Variants in CASQ2 observed in about 807,000 individuals in gnomAD.
CASQ2 encodes calsequestrin-2.
A neutral mutation model predicts 46.5 loss-of-function variants in CASQ2; 49 were observed. The ratio of observed to expected loss-of-function variants is 1.05; its 90% confidence interval spans 0.84 to 1.34. The LOEUF is 1.34. CASQ2 is among the 40% of genes most tolerant of loss of function. The probability of loss-of-function intolerance (pLI) is 0.00; values close to 1 mark genes in which losing one functional copy is unlikely to be tolerated. For synonymous variants in CASQ2, 174 were observed against 168.5 expected, an observed-to-expected ratio of 1.03 and a Z score of -0.25; for missense variants, 486 against 481.3, an observed-to-expected ratio of 1.01 and a Z score of -0.09.
At chr1:115,748,360 C>A (rs1487209319) in intron 1 of CASQ2, among the ~76,000 whole-genome samples, 2 of 152,108 alleles carry the variant, frequency 1.3e-5, no homozygotes, top group Non-Finnish European at 2.9e-5. Flanking sequence ...CATCTGTTCC[C>A]AGCCTCTTTC....
intron 8 of CASQ2, among the ~76,000 whole-genome samples, chr1:115,716,386 A>G (rs1200009238): frequency 2.0e-5 from 3 of 152,196 alleles, no homozygotes; most frequent in Non-Finnish European, 4.4e-5. Context: ...AGGTCTCATT[A>G]TTTAGGGGAA....
intron 1 of CASQ2, among the ~76,000 whole-genome samples, chr1:115,761,628 T>C (rs1421304680): frequency 6.6e-6 from 1 of 151,244 alleles, no homozygotes; most frequent in Non-Finnish European, 1.5e-5. Context: ...TTACTTTTTA[T>C]TGATATACAG....
chr1:115,715,682 A>AT (rs1184542238), intron 8 of CASQ2, among the ~76,000 whole-genome samples: 1 of 152,220 alleles, frequency 6.6e-6, no homozygotes, highest in East Asian at 1.9e-4. Context: ...GGTTACTATT[A>AT]TGGTATATGG....
Position 115,704,740 on chromosome 1 carries a change from G to A in CASQ2, c.939+452C>T, listed in dbSNP as rs1026402646. The stretch of plus-strand genomic sequence containing the variant: ...CTATGCTAGGTCCTGGGGAGAACAC[G>A]ATGAACATGACAGGCACGCTCGCTT... On this transcript the variant is annotated intron_variant, in intron 9 of 10. Transcript: ENST00000261448. 4.6e-5 allele frequency among the ~76,000 whole-genome samples: 7 copies of A among 152,324 alleles called. No homozygotes were observed. In the South Asian group the frequency reaches 8.3e-4, roughly 18 times the overall value.
At chr1:115,729,894 C>T (rs565641764) in intron 5 of CASQ2, among the ~76,000 whole-genome samples, 4 of 152,252 alleles carry the variant, frequency 2.6e-5, no homozygotes, top group East Asian at 1.9e-4. Flanking sequence ...AGTGATTTTT[C>T]GTCTCATTGT....
chr1:115,733,612 T>C (rs1306194073), intron 4 of CASQ2, among the ~76,000 whole-genome samples: 1 of 151,638 alleles, frequency 6.6e-6, no homozygotes, highest in Admixed American at 6.6e-5. Context: ...CGAGGCAGTA[T>C]GAGATCAGGT....
chr1:115,710,883 C>A (rs1270496397), intron 8 of CASQ2, among the ~76,000 whole-genome samples: 1 of 152,208 alleles, frequency 6.6e-6, no homozygotes, highest in Non-Finnish European at 1.5e-5. Flanking sequence ...CTGGGAATCA[C>A]ATCTTTGTGG....
At chr1:115,704,160 C>T (rs1261741433) in intron 9 of CASQ2, among the ~76,000 whole-genome samples, 1 of 152,130 alleles carries the variant, frequency 6.6e-6, no homozygotes. Context: ...TTTTCAGGAC[C>T]CTTGAGATCC....
At chr1:115,707,806 A>G (rs1289293407) in intron 8 of CASQ2, among the ~76,000 whole-genome samples, 1 of 152,256 alleles carries the variant, frequency 6.6e-6, no homozygotes, top group Non-Finnish European at 1.5e-5. Flanking sequence ...TCAAATGTAA[A>G]AGGGACATGA....
chr1:115,766,238 T>C (rs1210728726), intron 1 of CASQ2, among the ~76,000 whole-genome samples: 3 of 152,234 alleles, frequency 2.0e-5, no homozygotes. Flanking sequence ...CAGAAGCCCC[T>C]TGGGCGTTTT....
chr1:115,757,952 C>G (rs1648818068), intron 1 of CASQ2, among the ~76,000 whole-genome samples: 1 of 152,184 alleles, frequency 6.6e-6, no homozygotes, highest in Admixed American at 6.5e-5. Flanking sequence ...TTATTAAATT[C>G]CAAGTGCCAA....
chr1:115,767,463 T>C (rs1307686573), intron 1 of CASQ2, among the ~76,000 whole-genome samples: 2 of 152,198 alleles, frequency 1.3e-5, no homozygotes, highest in Non-Finnish European at 2.9e-5. Flanking sequence ...ACTGTAATTC[T>C]CAAATATCCC....
chr1:115,760,485 C>T (rs1036605120), intron 1 of CASQ2, among the ~76,000 whole-genome samples: 6 of 152,196 alleles, frequency 3.9e-5, no homozygotes, highest in African/African-American at 1.2e-4. Flanking sequence ...GCAATCATAA[C>T]ACACTGCAGC....
chr1:115,727,121 A>C lies in CASQ2; in HGVS notation c.608T>G (p.Val203Gly), dbSNP rs1647622862. The C allele has an allele frequency of 1.9e-6, 3 of 1,609,556 alleles. No individual in the cohort carries two copies. The highest frequency in any genetic ancestry group is 2.6e-6 in the Non-Finnish European group (3 of 1,175,974). ...IKFFATFDKG[V>G]AKKLSLKMNE... is the part of the protein sequence containing the mutation. ...CATCTTCAAAGATAATTTCTTTGCA[A>C]CCTGTAACCATTAGAAATAAGACAA... is the stretch of plus-strand genomic sequence containing the variant. Residue 203 changes from valine to glycine, a missense_variant and splice_region_variant, in exon 6 of 11, where the codon GTT becomes GGT. Val to Gly is a moderately radical substitution (Grantham distance 109). Transcript: ENST00000261448.
chr1:115,727,119 C>A lies in CASQ2; in HGVS notation c.610G>T (p.Ala204Ser). 6.2e-7 allele frequency: 1 copy of A among 1,609,752 alleles called. No individual in the cohort carries two copies. The highest frequency in any genetic ancestry group is 8.5e-7 in the Non-Finnish European group (1 of 1,176,178). Residue 204 changes from alanine (A) to serine (S), a missense_variant, in exon 6 of 11, where the codon GCA (alanine) becomes TCA (serine). By Grantham distance (99) the Ala-to-Ser change is moderately conservative. Transcript: ENST00000261448. The part of the protein sequence containing the change: ...KFFATFDKGV[A>S]KKLSLKMNEV... ...TTCATCTTCAAAGATAATTTCTTTG[C>A]AACCTGTAACCATTAGAAATAAGAC...
At position 115,701,036 on chromosome 1, in the gene CASQ2, T is replaced by C. The variant is rs1654187011; in HGVS notation, c.*205A>G. 4.2e-6 allele frequency: 3 copies of C among 718,980 alleles called. No individual in the cohort carries two copies. Among genetic ancestry groups the C allele is most frequent in the South Asian group, 1.7e-5 (1 of 59,922 alleles). 44.5% of individuals were successfully genotyped at this position (718,980 alleles called of 1,614,324 possible). ...GTCAACATGGGAATAATTTTTCTCC[T>C]GTCCCTGCTAAGTGGGATTGCTGCA... On this transcript the variant is annotated 3_prime_UTR_variant, in exon 11 of 11. Coordinates refer to ENST00000261448, the MANE Select transcript of CASQ2 (RefSeq NM_001232.4).
chr1:115,746,486 A>G (rs1261586418), intron 1 of CASQ2, among the ~76,000 whole-genome samples: 7 of 152,214 alleles, frequency 4.6e-5, no homozygotes, highest in Admixed American at 4.6e-4. Context: ...CGTCTTTGTC[A>G]GGACTTCGTA....
chr1:115,724,008 A>G (rs780064561), intron 7 of CASQ2, among the ~76,000 whole-genome samples: 7 of 152,198 alleles, frequency 4.6e-5, no homozygotes, highest in Non-Finnish European at 1.0e-4. Context: ...CAGACCAGTA[A>G]AACAGTGTCA....
intron 1 of CASQ2, among the ~76,000 whole-genome samples, chr1:115,753,645 C>A (rs1377067560): frequency 1.3e-5 from 2 of 152,170 alleles, no homozygotes; most frequent in African/African-American, 4.8e-5. Flanking sequence ...GGCAGCACAT[C>A]CAATACCTCC....
Sources: gnomAD v4.1 joint callset for allele counts (sites outside exome capture counted in the v4.1 genomes callset) on GRCh38, gnomAD v4.1.1 for gene constraint, MANE v1.5 for transcripts, NCBI Gene and HGNC (gene_info 2026-07-23, HGNC 2026-07-21) for gene names.